Variants in NXN observed in about 807,000 individuals in gnomAD.
The protein encoded by NXN is nucleoredoxin 1.
In NXN, 16 loss-of-function variants were observed where a neutral mutation model predicts 48.6. The ratio of observed to expected loss-of-function variants is 0.33; its 90% CI spans 0.22 to 0.50. NXN has a LOEUF of 0.50. Among genes scored for constraint, NXN ranks in the 20% least tolerant of loss-of-function variants. The probability of loss-of-function intolerance (pLI) is 0.98; values close to 1 mark genes in which losing one functional copy is unlikely to be tolerated. For missense variants in NXN, 492 were observed against 605.5 expected, an observed-to-expected ratio of 0.81 and a Z score of 1.97; for synonymous variants, 281 against 269.6, an observed-to-expected ratio of 1.04 and a Z score of -0.41.
chr17:957,501 GC>G (rs1176212083), intron 1 of NXN, among the ~76,000 whole-genome samples: 1 of 151,598 alleles, frequency 6.6e-6, no homozygotes, highest in Non-Finnish European at 1.5e-5. Context: ...GCGTGGTGGT[GC>G]ACGCCTGTAG....
intron 1 of NXN, chr17:863,845 G>A: frequency 2.2e-6 from 2 of 891,490 alleles, no homozygotes; most frequent in Non-Finnish European, 3.5e-6. Flanking sequence ...CGTCATTCAA[G>A]GATCAACTGT....
rs149897708 is a variant in NXN at position 922,380 on chromosome 17, G to A, written c.360+56939C>T. Among the ~76,000 whole-genome samples the A allele has an allele frequency of 6.1e-4, 93 of 152,174 alleles. No individual in the cohort carries two copies. The East Asian group carries it at 0.015, about 25-fold the overall frequency. ...AATCACTTGAACCCGGGAGGCAGAG[G>A]TTGTGGTGAGCCAAGATCGTGCCAC... On this transcript the variant is annotated intron_variant, in intron 1 of 7. Coordinates refer to ENST00000336868, the MANE Select transcript of NXN (RefSeq NM_022463.5).
chr17:817,685 A>T (rs1912559108), intron 5 of NXN, among the ~76,000 whole-genome samples: 1 of 151,718 alleles, frequency 6.6e-6, no homozygotes, highest in Non-Finnish European at 1.5e-5. Context: ...AAAAAAAAAA[A>T]AAAAGAGCCT....
At chr17:913,547 G>A (rs762218670) in intron 1 of NXN, among the ~76,000 whole-genome samples, 4 of 152,054 alleles carry the variant, frequency 2.6e-5, no homozygotes, top group Non-Finnish European at 5.9e-5. Flanking sequence ...CAGAGACATC[G>A]TGGCACAACA....
At position 829,100 on chromosome 17, in the gene NXN, G is replaced by A. The variant is rs1320146788; in HGVS notation, c.361-3022C>T. 2.7e-5 allele frequency among the ~76,000 whole-genome samples: 4 copies of A among 150,090 alleles called. No homozygotes were observed. In the East Asian group the frequency reaches 5.9e-4, roughly 22 times the overall value. ...TCACTGTCATTCATTTTTCCAGTTC[G>A]CTAGGGGGAAAAAATGACAAGTCAT... On this transcript the variant is annotated intron_variant, in intron 1 of 7. Coordinates refer to ENST00000336868, the MANE Select transcript of NXN (RefSeq NM_022463.5).
intron 6 of NXN, chr17:804,082 C>T (rs1320753662): frequency 2.0e-5 from 8 of 392,754 alleles, no homozygotes; most frequent in African/African-American, 1.2e-4. Context: ...GGTAGACAGT[C>T]TTCCCATTGA....
intron 1 of NXN, among the ~76,000 whole-genome samples, chr17:874,499 G>A (rs972860550): frequency 1.3e-5 from 2 of 152,214 alleles, no homozygotes; most frequent in African/African-American, 2.4e-5. Flanking sequence ...CAGGAGAATC[G>A]CTTGAACCCG....
rs1010798685 is a variant in NXN at position 886,472 on chromosome 17, C to T, written c.361-60394G>A. On this transcript the variant is annotated intron_variant, in intron 1 of 7. Coordinates refer to ENST00000336868, the MANE Select transcript of NXN (RefSeq NM_022463.5). ...AGGCTGGCAGCGCACGGAGAGGCTT[C>T]GCTCCACGGGAACCAACACCGTTGG... is the stretch of plus-strand genomic sequence containing the variant. 4.6e-5 allele frequency among the ~76,000 whole-genome samples: 7 copies of T among 152,154 alleles called. No individual in the cohort carries two copies. In the East Asian group the frequency reaches 9.6e-4, roughly 21 times the overall value.
chr17:911,562 C>T (rs1416865133), intron 1 of NXN, among the ~76,000 whole-genome samples: 2 of 151,924 alleles, frequency 1.3e-5, no homozygotes, highest in Non-Finnish European at 2.9e-5. Context: ...ATCTCCTGAC[C>T]TTGTGATCCA....
At chr17:861,202 C>T (rs771930322) in intron 1 of NXN, among the ~76,000 whole-genome samples, 1 of 152,180 alleles carries the variant, frequency 6.6e-6, no homozygotes, top group Non-Finnish European at 1.5e-5. Flanking sequence ...GGCACCATCT[C>T]GGCTCACTGC....
At chr17:858,885 T>C (rs2068014205) in intron 1 of NXN, among the ~76,000 whole-genome samples, 1 of 152,186 alleles carries the variant, frequency 6.6e-6, no homozygotes. Context: ...GTTAATTTGC[T>C]CGATTGCCCT....
At position 917,626 on chromosome 17, in the gene NXN, C is replaced by G. The variant is rs938211641; in HGVS notation, c.360+61693G>C. ...TCGATTCCCAGCTCTCCCACAAGGA[C>G]GTGGCTCAGACGCACGTCACCATCT... On this transcript the variant is annotated intron_variant, in intron 1 of 7. Coordinates refer to ENST00000336868, the MANE Select transcript of NXN (RefSeq NM_022463.5). This position sits in a 1 kb window ranked among gnomAD's most constrained non-coding sequence, Gnocchi z 4.5. Among the ~76,000 whole-genome samples, 1 of 152,222 alleles carries G rather than the reference C, an allele frequency of 6.6e-6. No homozygotes were observed. Among genetic ancestry groups the G allele is most frequent in the East Asian group, 1.9e-4 (1 of 5,194 alleles).
chr17:888,475 C>T (rs2068372948), intron 1 of NXN, among the ~76,000 whole-genome samples: 1 of 152,166 alleles, frequency 6.6e-6, no homozygotes, highest in South Asian at 2.1e-4. Context: ...GCCACCTTGG[C>T]CCCCCAAAGT....
intron 5 of NXN, among the ~76,000 whole-genome samples, chr17:815,280 C>T (rs982347402): frequency 6.6e-5 from 10 of 151,610 alleles, no homozygotes; most frequent in South Asian, 6.3e-4. Flanking sequence ...GTTTTGAAGG[C>T]GACAAGGCAC....
In NXN at chr17:835,124, T is replaced by A. The variant is rs9903958; in HGVS notation, c.361-9046A>T. Among the ~76,000 whole-genome samples the A allele has an allele frequency of 1.9e-4, 28 of 150,284 alleles. 1 individual carries two copies. In the South Asian group the frequency reaches 3.0e-3, roughly 16 times the overall value. ...GAGATCGAGACCATCCTGGCTAACA[T>A]GGTGAAACCCTGTCTCTACTAAAAA... On this transcript the variant is annotated intron_variant, in intron 1 of 7. Coordinates refer to ENST00000336868, the MANE Select transcript of NXN (RefSeq NM_022463.5).
intron 1 of NXN, among the ~76,000 whole-genome samples, chr17:970,402 G>C (rs1298749533): frequency 2.0e-5 from 3 of 151,934 alleles, no homozygotes; most frequent in Non-Finnish European, 2.9e-5. Flanking sequence ...GGGAGTTGGG[G>C]GGCCCTTCAC....
At chr17:877,103 C>A (rs1375796837) in intron 1 of NXN, among the ~76,000 whole-genome samples, 4 of 151,784 alleles carry the variant, frequency 2.6e-5, no homozygotes, top group Non-Finnish European at 5.9e-5. Flanking sequence ...AAAACTAATT[C>A]TTAATATATT....
At chr17:953,402 G>A (rs572809095) in intron 1 of NXN, among the ~76,000 whole-genome samples, 8 of 152,188 alleles carry the variant, frequency 5.3e-5, no homozygotes, top group South Asian at 2.1e-4. Flanking sequence ...GAGACAGAGC[G>A]AGACTCCGTC....
chr17:904,262 G>A (rs369480857), intron 1 of NXN, among the ~76,000 whole-genome samples: 17 of 150,898 alleles, frequency 1.1e-4, no homozygotes, highest in Middle Eastern at 6.8e-3. Context: ...GCCTTGCTGC[G>A]GAGAGCGGGA....
Sources: allele counts gnomAD v4.1 joint callset (sites outside exome capture counted in the v4.1 genomes callset), GRCh38; gene constraint gnomAD v4.1.1; non-coding constraint Gnocchi (gnomAD v3.1); transcripts MANE v1.5; gene names NCBI Gene and HGNC (gene_info 2026-07-23, HGNC 2026-07-21).